Variants in EPB41L2 observed in about 807,000 individuals in gnomAD.
EPB41L2 encodes the protein erythrocyte membrane protein band 4.1 like 2.
Under a neutral mutation model 113.0 loss-of-function variants are expected in EPB41L2, and 43 were observed. The ratio of observed to expected loss-of-function variants is 0.38; its 90% confidence interval spans 0.30 to 0.49. The LOEUF is 0.49. Ranked by LOEUF, EPB41L2 falls within the 20% of genes least tolerant of loss-of-function variation. The pLI is 0.95. For synonymous variants in EPB41L2, 442 were observed against 436.7 expected (o/e 1.01, Z -0.15); for missense variants, 1,147 against 1,223.4 (o/e 0.94, Z 0.93).
At chr6:130,947,499 T>A (rs1490595095) in intron 3 of EPB41L2, among the ~76,000 whole-genome samples, 1 of 152,188 alleles carries the variant, frequency 6.6e-6, no homozygotes, top group Non-Finnish European at 1.5e-5. Flanking sequence ...TCAAACCAAA[T>A]ACAAGTATTT....
intron 4 of EPB41L2, among the ~76,000 whole-genome samples, chr6:130,910,704 G>A (rs1314257727): frequency 1.3e-5 from 2 of 152,178 alleles, no homozygotes; most frequent in East Asian, 1.9e-4. Context: ...CCATCAAAAA[G>A]TGGGTGAAGG....
In EPB41L2 at chr6:130,934,379, G is replaced by A. The variant is rs926964103; in HGVS notation, c.706-7670C>T. Among the ~76,000 whole-genome samples the A allele has an allele frequency of 7.2e-5, 11 of 152,150 alleles. No individual in the cohort carries two copies. The East Asian group carries it at 9.6e-4, about 13-fold the overall frequency. On this transcript the variant is annotated intron_variant, in intron 3 of 19. Transcript: ENST00000337057. ...ATTAGTAAGAATTAAGTTTGAAAAC[G>A]TTTTTTCCAAATACTCAAAAAAGAT...
chr6:130,972,323 CAAAAAAA>C (rs56878009), intron 1 of EPB41L2, among the ~76,000 whole-genome samples: 2 of 76,640 alleles, frequency 2.6e-5, no homozygotes, highest in Non-Finnish European at 2.4e-5. Flanking sequence ...GACTCCATCT[CAAAAAAA>C]AAAAAAAAAA....
chr6:130,846,616 T>A (rs565040671), intron 19 of EPB41L2, among the ~76,000 whole-genome samples: 1 of 152,330 alleles, frequency 6.6e-6, no homozygotes, highest in South Asian at 2.1e-4. Context: ...CCTGGTTTGC[T>A]GGAACATGTT....
chr6:131,052,541 T>C (rs73625615), intron 1 of EPB41L2, among the ~76,000 whole-genome samples: 2,655 of 152,162 alleles, frequency 0.017, 88 homozygotes, highest in African/African-American at 0.06. Context: ...GAACCAAGGA[T>C]GGGTGCAAAG....
At chr6:131,052,087 C>A (rs1435193117) in intron 1 of EPB41L2, among the ~76,000 whole-genome samples, 1 of 152,032 alleles carries the variant, frequency 6.6e-6, no homozygotes, top group Admixed American at 6.6e-5. Context: ...CAGGCGCCCA[C>A]CACCACACCC....
At position 130,870,084 on chromosome 6, in the gene EPB41L2, C is replaced by A; in HGVS notation, c.2086G>T (p.Ala696Ser). Residue 696 changes from alanine to serine, a missense_variant, in exon 15 of 20, where the codon GCA (alanine) becomes TCA (serine). Transcript: ENST00000337057. The stretch of plus-strand genomic sequence containing the variant: ...ACTCTTTCGTCTTTCCCAACCTCTG[C>A]CCGCTTCTTCTCCTCCACTATATTC... ...TLNIVEEKKRAEVGKDERVIT... is the reference protein window; with the variant it reads ...TLNIVEEKKRSEVGKDERVIT... 1 of 1,613,768 alleles carries A rather than the reference C, an allele frequency of 6.2e-7. No individual in the cohort carries two copies. The highest frequency in any genetic ancestry group is 1.1e-5 in the South Asian group (1 of 91,024).
At chr6:130,970,719 C>T (rs1286324409) in intron 1 of EPB41L2, among the ~76,000 whole-genome samples, 1 of 152,102 alleles carries the variant, frequency 6.6e-6, no homozygotes, top group East Asian at 1.9e-4. Context: ...CCAGAATAGA[C>T]ACCAAAAGTA....
intron 3 of EPB41L2, among the ~76,000 whole-genome samples, chr6:130,953,877 A>G (rs1406002947): frequency 2.0e-5 from 3 of 151,708 alleles, no homozygotes; most frequent in Admixed American, 6.6e-5. Flanking sequence ...CCAGACACCA[A>G]ATTTTCTGGT....
intron 1 of EPB41L2, among the ~76,000 whole-genome samples, chr6:131,024,623 G>A (rs994502072): frequency 2.6e-5 from 4 of 152,098 alleles, no homozygotes; most frequent in African/African-American, 7.2e-5. Flanking sequence ...CGCAAGGACC[G>A]ACCGTGTCTT....
At chr6:130,973,891 C>CT (rs1363095401) in intron 1 of EPB41L2, among the ~76,000 whole-genome samples, 1 of 152,126 alleles carries the variant, frequency 6.6e-6, no homozygotes, top group Non-Finnish European at 1.5e-5. Flanking sequence ...CACTTTCAAC[C>CT]TTTTTTCTGA....
chr6:130,941,353 G>C (rs1179120346), intron 3 of EPB41L2, among the ~76,000 whole-genome samples: 2 of 152,146 alleles, frequency 1.3e-5, no homozygotes, highest in Non-Finnish European at 1.5e-5. Context: ...ACGGAGAATT[G>C]ACTATAACTG....
At chr6:130,897,895 T>A (rs1239011563) in intron 8 of EPB41L2, among the ~76,000 whole-genome samples, 1 of 152,086 alleles carries the variant, frequency 6.6e-6, no homozygotes, top group African/African-American at 2.4e-5. Flanking sequence ...AATGAGATGG[T>A]ATACTTGTAA....
At chr6:130,958,734 C>T (rs759774230) in intron 1 of EPB41L2, among the ~76,000 whole-genome samples, 10 of 152,108 alleles carry the variant, frequency 6.6e-5, no homozygotes, top group Non-Finnish European at 1.5e-4. Context: ...TGAGTGAAGA[C>T]AGGACAGGCG....
intron 1 of EPB41L2, among the ~76,000 whole-genome samples, chr6:131,045,816 T>C (rs749305047): frequency 1.3e-5 from 2 of 152,204 alleles, no homozygotes; most frequent in Non-Finnish European, 2.9e-5. Flanking sequence ...GCATAGGAGA[T>C]GACCAAGGTT....
At chr6:130,894,853 G>T in intron 9 of EPB41L2, 114 bp downstream of exon 9, 1 of 1,158,184 alleles carries the variant, frequency 8.6e-7, no homozygotes. Flanking sequence ...TTTTACAATG[G>T]AAGAATAAAT....
At chr6:131,049,869 T>C (rs1312836751) in intron 1 of EPB41L2, among the ~76,000 whole-genome samples, 2 of 152,352 alleles carry the variant, frequency 1.3e-5, no homozygotes, top group East Asian at 3.9e-4. Flanking sequence ...GCAGACTTCC[T>C]GAGTTTTCCA....
At chr6:130,867,783 T>C in intron 15 of EPB41L2, 2 of 559,284 alleles carry the variant, frequency 3.6e-6, no homozygotes, top group Non-Finnish European at 6.4e-6. Context: ...TACACATACA[T>C]ACATGTGCAC....
At chr6:131,009,686 C>T (rs1277169848) in intron 1 of EPB41L2, among the ~76,000 whole-genome samples, 1 of 133,264 alleles carries the variant, frequency 7.5e-6, no homozygotes, top group Admixed American at 7.6e-5. Flanking sequence ...AAAAAAAAAA[C>T]CAAACTAGTC....
Sources: allele counts gnomAD v4.1 joint callset (sites outside exome capture counted in the v4.1 genomes callset), GRCh38; gene constraint gnomAD v4.1.1; transcripts MANE v1.5; gene names NCBI Gene and HGNC (gene_info 2026-07-23, HGNC 2026-07-21).